The following GRIK5 variants were observed in gnomAD, a reference collection of about 807,000 sequenced individuals.
GRIK5 encodes glutamate ionotropic receptor kainate type subunit 5.
A neutral mutation model predicts 97.4 loss-of-function variants in GRIK5; 43 were observed. The ratio of observed to expected loss-of-function variants is 0.44; its 90% CI spans 0.35 to 0.57. The LOEUF is 0.57. Ranked by LOEUF, GRIK5 falls within the 20% of genes least tolerant of loss-of-function variation. GRIK5 has a pLI of 0.01. For missense variants in GRIK5, 1,015 were observed against 1,382.0 expected (o/e 0.73, Z 4.21); for synonymous variants, 580 against 583.5 (o/e 0.99, Z 0.09).
intron 12 of GRIK5, among the ~76,000 whole-genome samples, chr19:42,030,886 A>C (rs766619258): frequency 1.1e-4 from 17 of 152,176 alleles, no homozygotes; most frequent in Non-Finnish European, 1.8e-4. Flanking sequence ...TCTGATCAGC[A>C]TACTGTTGTC....
Position 42,042,638 on chromosome 19 carries a change from G to A in GRIK5, c.1387C>T (p.Arg463Cys), listed in dbSNP as rs138020581. The stretch of plus-strand genomic sequence containing the variant: ...AGCCCATCCTCCACCAACCGCAGGC[G>A]GTAGCGGAAGCGCAGCAGCTCGGCC... ...ELAELLRFRY[R>C]LRLVEDGLYG... The change falls in exon 12 of 20, where the codon CGC becomes TGC. Residue 463 changes from arginine to cysteine, a missense_variant. By Grantham distance (180) the Arg-to-Cys change is radical (BLOSUM62 -3). This residue lies in a region of GRIK5 where 477 missense variants were observed against 701.1 expected (regional missense o/e 0.68). Coordinates refer to ENST00000593562, the MANE Select transcript of GRIK5 (RefSeq NM_002088.5). The surrounding 1 kb of genome is among the most constrained non-coding windows in gnomAD (Gnocchi z 6.9). The A allele has an allele frequency of 1.1e-5, 17 of 1,613,274 alleles. No homozygotes were observed. The highest frequency in any genetic ancestry group is 1.3e-5 in the African/African-American group (1 of 74,936).
chr19:42,012,224 G>GTGTATGTATGTA (rs541112270), intron 15 of GRIK5, among the ~76,000 whole-genome samples: 2 of 151,354 alleles, frequency 1.3e-5, no homozygotes, highest in Non-Finnish European at 2.9e-5. Flanking sequence ...ATACATGTAT[G>GTGTATGTATGTA]TGTATGTATG....
intron 15 of GRIK5, among the ~76,000 whole-genome samples, chr19:42,018,252 A>G (rs1224232922): frequency 6.8e-6 from 1 of 147,110 alleles, no homozygotes; most frequent in African/African-American, 2.5e-5. Context: ...TGGACCCGGG[A>G]GGTGGAGCTT....
At chr19:42,037,727 C>T (rs2075925587) in intron 12 of GRIK5, among the ~76,000 whole-genome samples, 1 of 152,194 alleles carries the variant, frequency 6.6e-6, no homozygotes, top group Non-Finnish European at 1.5e-5. Context: ...GCTCTCAGCT[C>T]TGTCAGTAGA....
rs1398219507 is a variant in GRIK5, at chr19:42,006,020, T to C, written c.2038-72A>G. On this transcript the variant is annotated intron_variant, in intron 16 of 19. Coordinates refer to ENST00000593562, the MANE Select transcript of GRIK5 (RefSeq NM_002088.5). This position sits in a 1 kb window ranked among gnomAD's most constrained non-coding sequence, Gnocchi z 5.3. ...GCTTCCTTTCCCCGAGCCCTTCCCA[T>C]CCTCCAGGAAGTCTCCCTCAACCCA... The C allele has an allele frequency of 1.3e-6, 1 of 785,562 alleles. No homozygotes were observed. Among genetic ancestry groups the C allele is most frequent in the African/African-American group, 1.7e-5 (1 of 58,514 alleles). The allele number at this position is 785,562 out of a possible 1,614,324, so 48.7% of individuals were successfully genotyped here. A position where few individuals can be genotyped will look rare whatever the true frequency, so the allele number is the denominator to read the frequency against.
At chr19:42,018,868 C>T (rs1201672665) in intron 15 of GRIK5, among the ~76,000 whole-genome samples, 1 of 152,130 alleles carries the variant, frequency 6.6e-6, no homozygotes, top group Non-Finnish European at 1.5e-5. Context: ...GGCACCAAAT[C>T]TCACCCCCTA....
rs983374527 is a variant in GRIK5, at chr19:42,052,567, C to T, written c.1269+1035G>A. On this transcript the variant is annotated intron_variant, in intron 11 of 19. Transcript: ENST00000593562. ...CTTTAGGTGGCCCTCTAACATCCTG[C>T]AAAACCCTCTTGTAACCCTCTCTGA... Among the ~76,000 whole-genome samples the T allele has an allele frequency of 3.9e-5, 6 of 152,326 alleles. No individual in the cohort carries two copies. In the Middle Eastern group the frequency reaches 0.01, roughly 259 times the overall value.
At position 41,999,017 on chromosome 19, in the gene GRIK5, A is replaced by G; in HGVS notation, c.2797T>C (p.Cys933Arg). 8.2e-7 allele frequency: 1 copy of G among 1,212,632 alleles called. No homozygotes were observed. The highest frequency in any genetic ancestry group is 1.0e-6 in the Non-Finnish European group (1 of 969,184). The allele number at this position is 1,212,632 out of a possible 1,614,324, so 75.1% of individuals were successfully genotyped here. Residue 933 changes from cysteine to arginine, a missense_variant, in exon 20 of 20, where the codon TGC becomes CGC. Physicochemically the swap from Cys to Arg is radical, Grantham distance 180. Transcript: ENST00000593562. The surrounding 1 kb of genome is among the most constrained non-coding windows in gnomAD (Gnocchi z 5.0). ...APTPCTHVRVCQECRRIQALR... is the reference protein window; with the variant it reads ...APTPCTHVRVRQECRRIQALR... Reference sequence around the variant, plus strand: ...GCCTGGATGCGCCGGCACTCCTGGCAGACGCGCACGTGGGTGCAGGGGGTG... The same window carrying G: ...GCCTGGATGCGCCGGCACTCCTGGCGGACGCGCACGTGGGTGCAGGGGGTG...
In GRIK5 at chr19:42,002,838, C is replaced by T. The variant is rs2075439487; in HGVS notation, c.2514+494G>A. Among the ~76,000 whole-genome samples the T allele has an allele frequency of 6.6e-6, 1 of 152,092 alleles. No individual in the cohort carries two copies. The highest frequency in any genetic ancestry group is 2.4e-5 in the African/African-American group (1 of 41,384). On this transcript the variant is annotated intron_variant, in intron 19 of 19. Coordinates refer to ENST00000593562, the MANE Select transcript of GRIK5 (RefSeq NM_002088.5). The surrounding 1 kb of genome is among the most constrained non-coding windows in gnomAD (Gnocchi z 5.2). ...GCAATCTCCACCTCCCGGGTTCAAG[C>T]GATCCTCCCATCTCAGCCTCCCGAG... is the stretch of plus-strand genomic sequence containing the variant.
At chr19:42,013,499 TC>T (rs2075589732) in intron 15 of GRIK5, among the ~76,000 whole-genome samples, 2 of 140,850 alleles carry the variant, frequency 1.4e-5, no homozygotes, top group Non-Finnish European at 3.0e-5. Context: ...AAGCTCCGCC[TC>T]CCAGGTTCGC....
rs569078493 is a variant in GRIK5 at position 42,032,119 on chromosome 19, T to TA, written c.1474-9766dup. Among the ~76,000 whole-genome samples, 25 of 151,412 alleles carry TA rather than the reference T, an allele frequency of 1.7e-4. 1 individual carries two copies. In the South Asian group the frequency reaches 3.1e-3, roughly 19 times the overall value. ...CTAAGTGAGACGCCAATCTCAAAAA[T>TA]AAAAAAAAGATGTTTGTTAATGATT... On this transcript the variant is annotated intron_variant, in intron 12 of 19. Coordinates refer to ENST00000593562, the MANE Select transcript of GRIK5 (RefSeq NM_002088.5).
In GRIK5 at chr19:42,022,432, G is replaced by A. The variant is rs538515822; in HGVS notation, c.1474-78C>T. ...AGTGGACAGTTAGAGAGAAATGCAC[G>A]GAGAGTGAGCAACTGAGGGAGGCGA... On this transcript the variant is annotated intron_variant, in intron 12 of 19. Coordinates refer to ENST00000593562, the MANE Select transcript of GRIK5 (RefSeq NM_002088.5). This position sits in a 1 kb window ranked among gnomAD's most constrained non-coding sequence, Gnocchi z 4.2. 23 of 1,509,356 alleles carry A rather than the reference G, an allele frequency of 1.5e-5. No homozygotes were observed. The highest frequency in any genetic ancestry group is 9.4e-5 in the South Asian group (8 of 85,224). 93.5% of individuals were successfully genotyped at this position (1,509,356 alleles called of 1,614,324 possible).
intron 12 of GRIK5, among the ~76,000 whole-genome samples, chr19:42,040,768 C>G (rs556833328): frequency 2.0e-5 from 3 of 152,214 alleles, no homozygotes; most frequent in African/African-American, 7.2e-5. Context: ...GCAGGAGAAT[C>G]GCTTGAACCC....
intron 17 of GRIK5, among the ~76,000 whole-genome samples, chr19:42,004,862 G>A (rs547406417): frequency 1.4e-4 from 22 of 152,142 alleles, no homozygotes; most frequent in South Asian, 6.2e-4. Context: ...TGATCCTTCC[G>A]GCTTGGCCTC....
At chr19:42,064,891 C>T (rs78658873) in intron 3 of GRIK5, among the ~76,000 whole-genome samples, 2,424 of 152,312 alleles carry the variant, frequency 0.016, 29 homozygotes, top group Non-Finnish European at 0.022. Context: ...CCTTTGCTGA[C>T]CCTCGCCCAA....
rs1303592322 is a variant in GRIK5, at chr19:42,069,375, TGGTGGCTCCCAACTAATCCAAAAC to T, written c.-209_-186del. The T allele has an allele frequency of 7.6e-6, 1 of 131,142 alleles. No individual in the cohort carries two copies. The highest frequency in any genetic ancestry group is 1.6e-5 in the Non-Finnish European group (1 of 63,672). The allele number at this position is 131,142 out of a possible 1,614,324, so 8.1% of individuals were successfully genotyped here. A position where few individuals can be genotyped will look rare whatever the true frequency, so the allele number is the denominator to read the frequency against. ...ACAGGGCCCCCTCCCCCGCCGCCGGTGGTGGCTCCCAACTAATCCAAAACGGTGGCTCCACAGGAGCAGGGAGGA... is the reference window on the plus strand; with the variant it reads ...ACAGGGCCCCCTCCCCCGCCGCCGGTGGTGGCTCCACAGGAGCAGGGAGGA... On this transcript the variant is annotated 5_prime_UTR_variant, in exon 1 of 20. Coordinates refer to ENST00000593562, the MANE Select transcript of GRIK5 (RefSeq NM_002088.5).
At chr19:42,054,117 A>G (rs140642743) in intron 9 of GRIK5, among the ~76,000 whole-genome samples, 188 bp from the exon 10 acceptor site, 1 of 152,210 alleles carries the variant, frequency 6.6e-6, no homozygotes, top group African/African-American at 2.4e-5. Flanking sequence ...AGGAGATGGG[A>G]CAAAAGGCAT....
At position 41,999,310 on chromosome 19, in the gene GRIK5, C is replaced by G; in HGVS notation, c.2515-11G>C. ...CTGGCACACCGACACCTGGGGGTGGCGCGGGCGGTCACCGTCCCGGCGCAG... is the reference window on the plus strand; with the variant it reads ...CTGGCACACCGACACCTGGGGGTGGGGCGGGCGGTCACCGTCCCGGCGCAG... On this transcript the variant is annotated splice_polypyrimidine_tract_variant and intron_variant, in intron 19 of 19. Coordinates refer to ENST00000593562, the MANE Select transcript of GRIK5 (RefSeq NM_002088.5). The surrounding 1 kb of genome is among the most constrained non-coding windows in gnomAD (Gnocchi z 5.0). 1 of 1,507,300 alleles carries G rather than the reference C, an allele frequency of 6.6e-7. No homozygotes were observed. The highest frequency in any genetic ancestry group is 1.2e-5 in the South Asian group (1 of 82,034). 93.4% of individuals were successfully genotyped at this position (1,507,300 alleles called of 1,614,324 possible).
At position 42,065,180 on chromosome 19, in the gene GRIK5, C is replaced by G; in HGVS notation, c.244+43G>C. The G allele has an allele frequency of 6.4e-7, 1 of 1,558,250 alleles. No homozygotes were observed. Among genetic ancestry groups the G allele is most frequent in the Non-Finnish European group, 8.7e-7 (1 of 1,143,956 alleles). ...GGCAGAGGGATGGACTGAGGGCCAC[C>G]GACCTGCCCTGCCTCACCCCACGCC... On this transcript the variant is annotated intron_variant, in intron 3 of 19. Transcript: ENST00000593562. This position sits in a 1 kb window ranked among gnomAD's most constrained non-coding sequence, Gnocchi z 5.8.
Sources: gnomAD v4.1 joint callset for allele counts (sites outside exome capture counted in the v4.1 genomes callset) on GRCh38, gnomAD v4.1.1 for gene constraint, gnomAD v4.1.1 regional missense constraint, Gnocchi (gnomAD v3.1) non-coding constraint, MANE v1.5 for transcripts, NCBI Gene and HGNC (gene_info 2026-07-23, HGNC 2026-07-21) for gene names.